Variants in MAST4 observed in about 807,000 individuals in gnomAD.
The protein encoded by MAST4 is microtubule associated serine/threonine kinase family member 4.
A neutral mutation model predicts 162.7 loss-of-function variants in MAST4; 89 were observed. The observed-to-expected ratio is 0.55, with a 90% confidence interval of 0.46 to 0.65. The LOEUF (loss-of-function observed/expected upper bound fraction) is 0.65. Among genes scored for constraint, MAST4 ranks in the 30% least tolerant of loss-of-function variants. The pLI is 0.00. For synonymous variants in MAST4, 1,479 were observed against 1,361.1 expected, an observed-to-expected ratio of 1.09 and a Z score of -1.91; for missense variants, 3,153 against 3,374.0, an observed-to-expected ratio of 0.93 and a Z score of 1.62.
intron 5 of MAST4, among the ~76,000 whole-genome samples, chr5:67,064,161 A>G (rs1483716755): frequency 6.6e-6 from 1 of 152,118 alleles, no homozygotes; most frequent in Non-Finnish European, 1.5e-5. Context: ...GGAGAGTTGG[A>G]GTGAGAAGAA....
chr5:66,899,014 A>G (rs1400010969), intron 3 of MAST4, among the ~76,000 whole-genome samples: 2 of 152,224 alleles, frequency 1.3e-5, no homozygotes, highest in African/African-American at 2.4e-5. Flanking sequence ...ATAGTGCTCA[A>G]GCACCTGAAA....
chr5:66,666,186 C>T (rs148450773), intron 1 of MAST4, among the ~76,000 whole-genome samples: 186 of 152,264 alleles, frequency 1.2e-3, no homozygotes, highest in Non-Finnish European at 2.3e-3. Context: ...GCCAAGACCA[C>T]GTTTACAAAG....
At chr5:66,633,841 T>C (rs1744935577) in intron 1 of MAST4, among the ~76,000 whole-genome samples, 1 of 152,142 alleles carries the variant, frequency 6.6e-6, no homozygotes, top group Non-Finnish European at 1.5e-5. Context: ...CCTGAAAACA[T>C]AGTTTTAGAC....
chr5:66,952,159 A>G (rs527439549), intron 4 of MAST4, among the ~76,000 whole-genome samples: 13 of 152,276 alleles, frequency 8.5e-5, no homozygotes, highest in African/African-American at 2.6e-4. Flanking sequence ...AAAGGGACCC[A>G]TGTTGTCTGG....
At chr5:67,063,687 C>A (rs1364615281) in intron 5 of MAST4, among the ~76,000 whole-genome samples, 3 of 151,144 alleles carry the variant, frequency 2.0e-5, no homozygotes, top group East Asian at 1.9e-4. Flanking sequence ...GCAGGTTTTT[C>A]ATTCTGTTTA....
intron 1 of MAST4, among the ~76,000 whole-genome samples, chr5:66,671,859 T>C (rs1327532056): frequency 2.0e-5 from 3 of 152,174 alleles, no homozygotes; most frequent in African/African-American, 7.2e-5. Context: ...TGTTTCATTA[T>C]CCTAGATTGT....
chr5:67,044,043 C>A (rs1757079992), intron 4 of MAST4, among the ~76,000 whole-genome samples: 1 of 152,198 alleles, frequency 6.6e-6, no homozygotes, highest in South Asian at 2.1e-4. Flanking sequence ...TTTATCCTGG[C>A]AGGCTAGATT....
At chr5:66,761,162 C>T (rs959590689) in intron 2 of MAST4, among the ~76,000 whole-genome samples, 10 of 152,106 alleles carry the variant, frequency 6.6e-5, no homozygotes, top group African/African-American at 2.2e-4. Flanking sequence ...TCCTTGGTGA[C>T]TAGATAATCT....
chr5:66,930,718 C>T (rs1198244829), intron 4 of MAST4: 1 of 470,604 alleles, frequency 2.1e-6, no homozygotes, highest in East Asian at 6.9e-5. Flanking sequence ...TGCCTTTATA[C>T]CATTCTATCT....
intron 2 of MAST4, among the ~76,000 whole-genome samples, chr5:66,774,221 T>C (rs1006641165): frequency 6.6e-6 from 1 of 152,284 alleles, no homozygotes; most frequent in African/African-American, 2.4e-5. Context: ...TAAATTTGAA[T>C]TATTCTTTTG....
intron 4 of MAST4, among the ~76,000 whole-genome samples, chr5:66,960,942 G>A (rs1055374292): frequency 6.6e-6 from 1 of 152,124 alleles, no homozygotes; most frequent in Non-Finnish European, 1.5e-5. Flanking sequence ...TGTTGTTTTG[G>A]TATCAGGCCA....
chr5:66,923,910 C>T (rs993432113), intron 4 of MAST4, among the ~76,000 whole-genome samples: 1 of 152,212 alleles, frequency 6.6e-6, no homozygotes, highest in Non-Finnish European at 1.5e-5. Context: ...AAATGGCATT[C>T]AGGACCGAAG....
chr5:66,890,456 G>A (rs1762298550), intron 3 of MAST4, among the ~76,000 whole-genome samples: 1 of 152,160 alleles, frequency 6.6e-6, no homozygotes, highest in Non-Finnish European at 1.5e-5. Flanking sequence ...TGACTAGAAA[G>A]GAAGCTTGTT....
At chr5:67,070,268 C>T (rs1760792676) in intron 5 of MAST4, among the ~76,000 whole-genome samples, 1 of 152,154 alleles carries the variant, frequency 6.6e-6, no homozygotes, top group African/African-American at 2.4e-5. Flanking sequence ...ATGTACATAC[C>T]TCCCCTGACA....
intron 3 of MAST4, among the ~76,000 whole-genome samples, chr5:66,880,076 T>A (rs1251036694): frequency 6.6e-6 from 1 of 152,246 alleles, no homozygotes; most frequent in Admixed American, 6.5e-5. Context: ...TATGTTTCAT[T>A]CGTGCTATGG....
intron 3 of MAST4, among the ~76,000 whole-genome samples, chr5:66,834,010 A>G (rs1226519322): frequency 6.6e-6 from 1 of 152,212 alleles, no homozygotes; most frequent in Non-Finnish European, 1.5e-5. Context: ...CAAATCTTTT[A>G]GCACAGTGCC....
intron 1 of MAST4, among the ~76,000 whole-genome samples, chr5:66,750,411 G>C (rs1753063286): frequency 6.6e-6 from 1 of 152,234 alleles, no homozygotes; most frequent in African/African-American, 2.4e-5. Flanking sequence ...GGGAGTGCCA[G>C]ACAGTGGGCG....
chr5:67,015,897 G>T (rs983848967), intron 4 of MAST4, among the ~76,000 whole-genome samples: 9 of 152,152 alleles, frequency 5.9e-5, no homozygotes, highest in African/African-American at 1.9e-4. Context: ...TGATAACCTA[G>T]TTTGGCTAAG....
At position 67,110,086 on chromosome 5, in the gene MAST4, G is replaced by C; in HGVS notation, c.1357-12G>C. 6.3e-7 allele frequency: 1 copy of C among 1,596,580 alleles called. No individual in the cohort carries two copies. The highest frequency in any genetic ancestry group is 8.6e-7 in the Non-Finnish European group (1 of 1,164,472). On this transcript the variant is annotated splice_polypyrimidine_tract_variant and intron_variant, in intron 10 of 28. Coordinates refer to ENST00000403625, the MANE Select transcript of MAST4 (RefSeq NM_001164664.2). ...ACTCTGCATCATCACTCTCTTTATT[G>C]CTTTTTCATAGGCTCATGATCGTTC...
Sources: gnomAD v4.1 joint callset for allele counts (sites outside exome capture counted in the v4.1 genomes callset) on GRCh38, gnomAD v4.1.1 for gene constraint, MANE v1.5 for transcripts, NCBI Gene and HGNC (gene_info 2026-07-23, HGNC 2026-07-21) for gene names.